The following SMG7 variants were observed in gnomAD, a reference collection of about 807,000 sequenced individuals.
SMG7 encodes the protein nonsense-mediated mRNA decay factor SMG7.
SMG7 carries 34 observed loss-of-function variants against 148.2 expected under a neutral mutation model. The observed-to-expected ratio is 0.23, with a 90% CI of 0.17 to 0.31. SMG7 has a LOEUF of 0.31. Ranked by LOEUF, SMG7 falls within the 10% of genes least tolerant of loss-of-function variation. SMG7 has a pLI of 1.00. For synonymous variants in SMG7, 492 were observed against 515.1 expected (o/e 0.96, Z 0.61); for missense variants, 1,114 against 1,408.4 (o/e 0.79, Z 3.35).
intron 1 of SMG7, among the ~76,000 whole-genome samples, chr1:183,477,484 A>ATGTGTGTATATGTGTATATATG (rs1557935114): frequency 7.0e-6 from 1 of 143,296 alleles, no homozygotes; most frequent in Non-Finnish European, 1.6e-5. Flanking sequence ...GCATATATAC[A>ATGTGTGTATATGTGTATATATG]CGTGTGTGCA....
Position 183,552,636 on chromosome 1 carries a change from C to T in SMG7, c.*705C>T. ...AGACTCCAGCAGGGAATGCCCTTCA[C>T]TCTGTAGGTGCTCGAGCCCCAATCG... On this transcript the variant is annotated 3_prime_UTR_variant, in exon 23 of 23. Transcript: ENST00000688051. 1.9e-6 allele frequency: 2 copies of T among 1,080,736 alleles called. No homozygotes were observed. Among genetic ancestry groups the T allele is most frequent in the Non-Finnish European group, 2.3e-6 (2 of 887,252 alleles). 66.9% of individuals were successfully genotyped at this position (1,080,736 alleles called of 1,614,324 possible). A position where few individuals can be genotyped will look rare whatever the true frequency, so the allele number is the denominator to read the frequency against.
intron 1 of SMG7, among the ~76,000 whole-genome samples, chr1:183,495,990 A>G (rs1249048512): frequency 6.6e-6 from 1 of 152,194 alleles, no homozygotes; most frequent in East Asian, 1.9e-4. Flanking sequence ...ATGAGCAAAA[A>G]AAGTTTAGGC....
chr1:183,502,827 C>T (rs988065299), intron 1 of SMG7, among the ~76,000 whole-genome samples: 2 of 152,168 alleles, frequency 1.3e-5, no homozygotes, highest in African/African-American at 4.8e-5. Flanking sequence ...AATCAAGCCT[C>T]CCAAGTGCCT....
chr1:183,546,398 G>C, intron 17 of SMG7, 61 bp downstream of exon 17: 1 of 1,520,750 alleles, frequency 6.6e-7, no homozygotes, highest in South Asian at 1.3e-5. Flanking sequence ...ACTGTCTTTT[G>C]AATATCTCAA....
chr1:183,474,663 CTTTG>C (rs1448241226), intron 1 of SMG7, among the ~76,000 whole-genome samples: 1 of 152,192 alleles, frequency 6.6e-6, no homozygotes, highest in African/African-American at 2.4e-5. Flanking sequence ...TCAGGAAAGA[CTTTG>C]TTTATTTGCT....
intron 16 of SMG7, among the ~76,000 whole-genome samples, chr1:183,545,613 A>T (rs1034639481): frequency 6.6e-6 from 1 of 152,232 alleles, no homozygotes; most frequent in Non-Finnish European, 1.5e-5. Context: ...AGGGAAATAG[A>T]ATCACAGTCT....
At chr1:183,491,113 AC>A (rs1557960800) in intron 1 of SMG7, among the ~76,000 whole-genome samples, 1 of 152,082 alleles carries the variant, frequency 6.6e-6, no homozygotes, top group South Asian at 2.1e-4. Flanking sequence ...ACTCTGCTTA[AC>A]CCTCTGTGCC....
chr1:183,505,187 A>G (rs1660626593), intron 1 of SMG7, among the ~76,000 whole-genome samples: 1 of 151,486 alleles, frequency 6.6e-6, no homozygotes, highest in Admixed American at 6.6e-5. Flanking sequence ...CCAGCATCCT[A>G]AGAGTTGACG....
intron 7 of SMG7, 23 bp downstream of exon 7, chr1:183,529,065 T>C: frequency 1.3e-6 from 2 of 1,582,056 alleles, no homozygotes; most frequent in Non-Finnish European, 1.7e-6. Flanking sequence ...GGTTTTTTTT[T>C]TCTCTTTCCA....
In SMG7 at chr1:183,553,208, T is replaced by A; in HGVS notation, c.*1277T>A. The A allele has an allele frequency of 2.0e-6, 3 of 1,529,800 alleles. No homozygotes were observed. Among genetic ancestry groups the A allele is most frequent in the African/African-American group, 1.4e-5 (1 of 72,974 alleles). 94.8% of individuals were successfully genotyped at this position (1,529,800 alleles called of 1,614,324 possible). On this transcript the variant is annotated 3_prime_UTR_variant, in exon 23 of 23. Coordinates refer to ENST00000688051, the MANE Select transcript of SMG7 (RefSeq NM_001375584.1). ...ACGAAAGAAAGGAAAATAAACTCTT[T>A]GTATGATATTTATTAGGAGGAAAGA...
chr1:183,526,821 AG>A lies in SMG7; in HGVS notation c.484+55del, dbSNP rs1665959295. ...ATATGTTCCTCCTTTTCTTTGGAATAGTCATAGAAAGAAACTGTTTTCCTTT... is the reference window on the plus strand; with the variant it reads ...ATATGTTCCTCCTTTTCTTTGGAATATCATAGAAAGAAACTGTTTTCCTTT... On this transcript the variant is annotated intron_variant, in intron 5 of 22. Coordinates refer to ENST00000688051, the MANE Select transcript of SMG7 (RefSeq NM_001375584.1). The A allele has an allele frequency of 4.2e-6, 6 of 1,439,034 alleles. No individual in the cohort carries two copies. The Admixed American group carries it at 1.3e-4, about 31-fold the overall frequency. 89.1% of individuals were successfully genotyped at this position (1,439,034 alleles called of 1,614,324 possible). A position where few individuals can be genotyped will look rare whatever the true frequency, so the allele number is the denominator to read the frequency against.
In SMG7 at chr1:183,553,608, G is replaced by GGCCCC. The variant is rs757787584; in HGVS notation, c.*1677_*1678insGCCCC. 1 of 128,374 alleles carries GGCCCC rather than the reference G, an allele frequency of 7.8e-6. No homozygotes were observed. Among genetic ancestry groups the GGCCCC allele is most frequent in the African/African-American group, 2.7e-5 (1 of 36,766 alleles). The allele number at this position is 128,374 out of a possible 1,614,324, so 8.0% of individuals were successfully genotyped here. Reference sequence around the variant, plus strand: ...TTGCTCTTCAGAGAGAGTGGTTGGAGCCCCCCCCGCCCCGTATGCTTACAT... The same window carrying GGCCCC: ...TTGCTCTTCAGAGAGAGTGGTTGGAGGCCCCCCCCCCCCGCCCCGTATGCTTACAT... On this transcript the variant is annotated 3_prime_UTR_variant, in exon 23 of 23. Coordinates refer to ENST00000688051, the MANE Select transcript of SMG7 (RefSeq NM_001375584.1).
Position 183,472,580 on chromosome 1 carries a change from C to A in SMG7, c.-41C>A. 7.0e-7 allele frequency: 1 copy of A among 1,421,396 alleles called. No homozygotes were observed. Among genetic ancestry groups the A allele is most frequent in the Non-Finnish European group, 9.3e-7 (1 of 1,077,686 alleles). The allele number at this position is 1,421,396 out of a possible 1,614,324, so 88.0% of individuals were successfully genotyped here. A position where few individuals can be genotyped will look rare whatever the true frequency, so the allele number is the denominator to read the frequency against. ...GCCGCTCCGAGGAGCCTGAGAGACC[C>A]ACGGAGGCTTCGCGGGAAGACGCGG... On this transcript the variant is annotated 5_prime_UTR_variant, in exon 1 of 23. Transcript: ENST00000688051.
In SMG7 at chr1:183,550,182, A is replaced by G. The variant is rs552828307; in HGVS notation, c.3133+259A>G. ...AGGGAGAAAATAGAGGTTCTATCTT[A>G]TGGTTCTCAGCTGCTTTTTAGTTTT... On this transcript the variant is annotated intron_variant, in intron 20 of 22. Transcript: ENST00000688051. 7.6e-4 allele frequency: 277 copies of G among 365,356 alleles called. 1 individual carries two copies. Among genetic ancestry groups the G allele is most frequent in the Middle Eastern group, 3.1e-3 (4 of 1,294 alleles). The allele number at this position is 365,356 out of a possible 1,614,324, so 22.6% of individuals were successfully genotyped here. A position where few individuals can be genotyped will look rare whatever the true frequency, so the allele number is the denominator to read the frequency against.
intron 1 of SMG7, among the ~76,000 whole-genome samples, chr1:183,477,944 G>T (rs1009793291): frequency 1.3e-5 from 2 of 152,062 alleles, no homozygotes; most frequent in African/African-American, 4.8e-5. Context: ...TTCTAAGCCA[G>T]CAGAAAAATG....
Position 183,541,003 on chromosome 1 carries a change from G to T in SMG7, c.1315G>T (p.Gly439Cys). 1 of 1,613,058 alleles carries T rather than the reference G, an allele frequency of 6.2e-7. No individual in the cohort carries two copies. The highest frequency in any genetic ancestry group is 8.5e-7 in the Non-Finnish European group (1 of 1,179,248). ...PSFRNLDFSKGHQGITGDKEG... is the reference protein window; with the variant it reads ...PSFRNLDFSKCHQGITGDKEG... ...TTTTAGGAACTTGGATTTTTCCAAA[G>T]GTCACCAGGGTATTACAGGGGACAA... The change falls in exon 13 of 23, where the codon GGT becomes TGT. Residue 439 changes from glycine to cysteine, a missense_variant. Gly to Cys is a radical substitution (Grantham distance 159). Around this residue, in one of 4 missense-constraint regions of SMG7, gnomAD observed 102 missense variants for 147.2 expected, o/e 0.69. Transcript: ENST00000688051.
At chr1:183,524,230 C>T (rs1256174965) in intron 4 of SMG7, among the ~76,000 whole-genome samples, 2 of 152,100 alleles carry the variant, frequency 1.3e-5, no homozygotes, top group Non-Finnish European at 2.9e-5. Context: ...TATAGCACTG[C>T]ATGCCACCAC....
chr1:183,496,010 C>G (rs1438052186), intron 1 of SMG7, among the ~76,000 whole-genome samples: 2 of 152,174 alleles, frequency 1.3e-5, no homozygotes, highest in African/African-American at 4.8e-5. Context: ...CTCCAGAATT[C>G]TGATACTGTG....
At chr1:183,485,106 T>C (rs2102126694) in intron 1 of SMG7, among the ~76,000 whole-genome samples, 1 of 152,298 alleles carries the variant, frequency 6.6e-6, no homozygotes, top group South Asian at 2.1e-4. Flanking sequence ...AGATGTATAC[T>C]ATTATTGCTC....
Sources: gnomAD v4.1 joint callset for allele counts (sites outside exome capture counted in the v4.1 genomes callset) on GRCh38, gnomAD v4.1.1 for gene constraint, gnomAD v4.1.1 regional missense constraint, MANE v1.5 for transcripts, NCBI Gene and HGNC (gene_info 2026-07-23, HGNC 2026-07-21) for gene names.